GSK3B: variants seen among roughly 807,000 people sequenced by gnomAD.
GSK3B encodes glycogen synthase kinase-3 beta.
Under a neutral mutation model 56.4 loss-of-function variants are expected in GSK3B, and 15 were observed. That is an observed-to-expected ratio of 0.27 (90% CI 0.18 to 0.41). The LOEUF (loss-of-function observed/expected upper bound fraction) is 0.41. GSK3B is among the 10% of genes least tolerant of loss of function. The pLI, the probability that GSK3B is intolerant of heterozygous loss-of-function variation, is 1.00. For missense variants in GSK3B, 300 were observed against 513.4 expected, an observed-to-expected ratio of 0.58 and a Z score of 4.02; for synonymous variants, 181 against 188.9, an observed-to-expected ratio of 0.96 and a Z score of 0.34.
At position 119,843,388 on chromosome 3, in the gene GSK3B, C is replaced by G. The variant is rs752541912; in HGVS notation, c.1097-35G>C. ...GTTAAGACACAAATGTTAGAGTCCA[C>G]TCTTAACTTTGTATGCAAAACTATT... On this transcript the variant is annotated intron_variant, in intron 9 of 10. Coordinates refer to ENST00000264235, the MANE Select transcript of GSK3B (RefSeq NM_001146156.2). 4.7e-5 allele frequency: 55 copies of G among 1,178,184 alleles called. 1 individual carries two copies. In the East Asian group the frequency reaches 1.3e-3, roughly 28 times the overall value. 73.0% of individuals were successfully genotyped at this position (1,178,184 alleles called of 1,614,324 possible). A position where few individuals can be genotyped will look rare whatever the true frequency, so the allele number is the denominator to read the frequency against.
intron 7 of GSK3B, among the ~76,000 whole-genome samples, chr3:119,904,424 G>C (rs2107445205): frequency 6.6e-6 from 1 of 152,256 alleles, no homozygotes; most frequent in South Asian, 2.1e-4. Context: ...GTACCAAAAA[G>C]AAGATGCAAA....
chr3:120,007,970 T>A (rs1296157879), intron 1 of GSK3B, among the ~76,000 whole-genome samples: 1 of 152,136 alleles, frequency 6.6e-6, no homozygotes, highest in African/African-American at 2.4e-5. Context: ...GGAGAGGAAG[T>A]CAAATTGTCT....
intron 1 of GSK3B, among the ~76,000 whole-genome samples, chr3:120,081,503 C>T (rs961712346): frequency 3.7e-4 from 57 of 152,060 alleles, no homozygotes; most frequent in Non-Finnish European, 1.5e-4. Flanking sequence ...GCCAAGATCG[C>T]GCCACTGCAC....
chr3:119,866,738 G>T (rs2056188709), intron 8 of GSK3B: 1 of 701,400 alleles, frequency 1.4e-6, no homozygotes, highest in Non-Finnish European at 2.5e-6. Context: ...ATGGTGTGGG[G>T]GGGGACATAG....
At position 119,970,749 on chromosome 3, in the gene GSK3B, T is replaced by G. The variant is rs1354511950; in HGVS notation, c.283-23398A>C. On this transcript the variant is annotated intron_variant, in intron 2 of 10. Transcript: ENST00000264235. ...TTGCAGTGAGCTGAGATCGCGCCAC[T>G]GCACTCCAGCCCGGGCGACAGTGTG... 2.6e-5 allele frequency among the ~76,000 whole-genome samples: 4 copies of G among 151,720 alleles called. No individual in the cohort carries two copies. In the East Asian group the frequency reaches 7.7e-4, roughly 29 times the overall value.
intron 2 of GSK3B, among the ~76,000 whole-genome samples, chr3:119,951,485 T>C (rs771860195): frequency 1.3e-5 from 2 of 152,128 alleles, no homozygotes; most frequent in Non-Finnish European, 2.9e-5. Context: ...GCAGGAGAAC[T>C]GCTTGAACCC....
chr3:120,072,413 C>G (rs1376843445), intron 1 of GSK3B, among the ~76,000 whole-genome samples: 3 of 152,020 alleles, frequency 2.0e-5, no homozygotes, highest in African/African-American at 7.3e-5. Context: ...TAGAGAACAA[C>G]CAGTCTCTAC....
At chr3:120,033,184 T>C (rs778543603) in intron 1 of GSK3B, among the ~76,000 whole-genome samples, 1 of 152,258 alleles carries the variant, frequency 6.6e-6, no homozygotes, top group Non-Finnish European at 1.5e-5. Context: ...TTGGTCCATT[T>C]CTTTTGGTTC....
Position 119,826,742 on chromosome 3 carries a change from C to G in GSK3B, c.*46G>C. On this transcript the variant is annotated 3_prime_UTR_variant, in exon 11 of 11. Coordinates refer to ENST00000264235, the MANE Select transcript of GSK3B (RefSeq NM_001146156.2). ...GTGACCAGTGTTGCTGAGTGACACT[C>G]AAGTAACTGGTGGTTTTTCCTGTGC... 8.1e-7 allele frequency: 1 copy of G among 1,227,874 alleles called. No individual in the cohort carries two copies. The highest frequency in any genetic ancestry group is 1.2e-6 in the Non-Finnish European group (1 of 826,820). 76.1% of individuals were successfully genotyped at this position (1,227,874 alleles called of 1,614,324 possible). A position where few individuals can be genotyped will look rare whatever the true frequency, so the allele number is the denominator to read the frequency against.
chr3:120,056,948 G>A (rs920402720), intron 1 of GSK3B, among the ~76,000 whole-genome samples: 1 of 152,128 alleles, frequency 6.6e-6, no homozygotes, highest in Non-Finnish European at 1.5e-5. Flanking sequence ...CTCAAGACCA[G>A]CCTGGCCATA....
chr3:119,905,132 C>G lies in GSK3B; in HGVS notation c.813+623G>C, dbSNP rs146855744. Among the ~76,000 whole-genome samples, 230 of 151,690 alleles carry G rather than the reference C, an allele frequency of 1.5e-3. 1 individual carries two copies. Among genetic ancestry groups the G allele is most frequent in the African/African-American group, 5.4e-3 (225 of 41,484 alleles). ...TTAATAAAGGTGTATGTATGCAAAG[C>G]TGAATGAAAGCAGAAGCTGTGTCTG... On this transcript the variant is annotated intron_variant, in intron 7 of 10. Coordinates refer to ENST00000264235, the MANE Select transcript of GSK3B (RefSeq NM_001146156.2).
chr3:120,044,437 T>TTG (rs1414021980), intron 1 of GSK3B, among the ~76,000 whole-genome samples: 1 of 152,048 alleles, frequency 6.6e-6, no homozygotes, highest in Non-Finnish European at 1.5e-5. Context: ...ACTTGCTCTC[T>TTG]TGTCCAGTTG....
chr3:119,838,256 C>G (rs1179247395), intron 10 of GSK3B, among the ~76,000 whole-genome samples: 2 of 151,898 alleles, frequency 1.3e-5, no homozygotes, highest in African/African-American at 4.8e-5. Flanking sequence ...CACTGTACTC[C>G]AGTCTGGGCA....
chr3:119,902,797 A>G (rs1327935472), intron 7 of GSK3B, among the ~76,000 whole-genome samples: 1 of 152,064 alleles, frequency 6.6e-6, no homozygotes, highest in Non-Finnish European at 1.5e-5. Flanking sequence ...TTACTGCAAC[A>G]TTTGTCTCCC....
At position 119,822,927 on chromosome 3, in the gene GSK3B, C is replaced by T. The variant is rs2055436222; in HGVS notation, c.*3861G>A. 4.4e-6 allele frequency: 1 copy of T among 229,314 alleles called. No homozygotes were observed. The highest frequency in any genetic ancestry group is 8.7e-6 in the Non-Finnish European group (1 of 115,498). The allele number at this position is 229,314 out of a possible 1,614,324, so 14.2% of individuals were successfully genotyped here. ...AAAATAGATGAAATGCCAGTGTCTT[C>T]ATATCCACAGGGATAGAGAATACTC... On this transcript the variant is annotated 3_prime_UTR_variant, in exon 11 of 11. Coordinates refer to ENST00000264235, the MANE Select transcript of GSK3B (RefSeq NM_001146156.2).
chr3:119,891,768 A>AG (rs2056504898), intron 7 of GSK3B, among the ~76,000 whole-genome samples: 1 of 152,112 alleles, frequency 6.6e-6, no homozygotes, highest in Admixed American at 6.6e-5. Flanking sequence ...CATACAAAAG[A>AG]GGGGGGAATT....
intron 9 of GSK3B, among the ~76,000 whole-genome samples, chr3:119,854,513 C>T (rs1348877885): frequency 6.6e-6 from 1 of 152,130 alleles, no homozygotes; most frequent in Admixed American, 6.5e-5. Context: ...CCTCTGTGTA[C>T]CTCTGGTAGA....
chr3:120,051,766 CAAA>C (rs145027294), intron 1 of GSK3B, among the ~76,000 whole-genome samples: 3 of 100,698 alleles, frequency 3.0e-5, no homozygotes, highest in Admixed American at 1.1e-4. Flanking sequence ...GACTCTATCT[CAAA>C]AAAAAAAAAA....
At chr3:119,975,033 A>G (rs984620709) in intron 2 of GSK3B, among the ~76,000 whole-genome samples, 2 of 152,258 alleles carry the variant, frequency 1.3e-5, no homozygotes, top group African/African-American at 4.8e-5. Flanking sequence ...GAATGTTTAC[A>G]GCACCTTTAT....
Sources: gnomAD v4.1 joint callset for allele counts (sites outside exome capture counted in the v4.1 genomes callset) on GRCh38, gnomAD v4.1.1 for gene constraint, MANE v1.5 for transcripts, NCBI Gene and HGNC (gene_info 2026-07-23, HGNC 2026-07-21) for gene names.